The following TATDN3 variants were observed in gnomAD, a reference collection of about 807,000 sequenced individuals.
The protein encoded by TATDN3 is TatD DNase domain containing 3.
TATDN3 carries 29 observed loss-of-function variants against 40.1 expected under a neutral mutation model. The observed-to-expected ratio is 0.72, with a 90% confidence interval of 0.54 to 0.99. The LOEUF is 0.99. Ranked by LOEUF, TATDN3 falls within the 50% of genes least tolerant of loss-of-function variation. TATDN3 has a pLI of 0.00. For synonymous variants in TATDN3, 105 were observed against 117.0 expected, an observed-to-expected ratio of 0.90 and a Z score of 0.66; for missense variants, 309 against 321.9, an observed-to-expected ratio of 0.96 and a Z score of 0.31.
Position 212,813,989 on chromosome 1 carries a change from A to AT in TATDN3, c.682-1014dup, listed in dbSNP as rs940896428. Among the ~76,000 whole-genome samples the AT allele has an allele frequency of 2.0e-4, 30 of 148,850 alleles. 1 individual carries two copies. The highest frequency in any genetic ancestry group is 3.7e-4 in the African/African-American group (15 of 40,634). On this transcript the variant is annotated intron_variant, in intron 9 of 9. Coordinates refer to ENST00000366974, the MANE Select transcript of TATDN3 (RefSeq NM_001042552.3). ...CTCTGTATATATATTTTTTTTGTTAATTTTTTTTTTAATAGAGACAAGGTC... is the reference window on the plus strand; with the variant it reads ...CTCTGTATATATATTTTTTTTGTTAATTTTTTTTTTTAATAGAGACAAGGTC...
intron 7 of TATDN3, among the ~76,000 whole-genome samples, chr1:212,806,489 G>T (rs1251204039): frequency 6.8e-6 from 1 of 147,068 alleles, no homozygotes; most frequent in Non-Finnish European, 1.5e-5. Context: ...TCCCACTTCA[G>T]CCCCACAAGT....
At chr1:212,796,389 C>G (rs901642505) in intron 2 of TATDN3, 128 bp from the exon 3 acceptor site, 2 of 597,550 alleles carry the variant, frequency 3.3e-6, no homozygotes, top group African/African-American at 3.9e-5. Flanking sequence ...TCAATGATAG[C>G]CCTTCTGATT....
At chr1:212,810,564 A>G (rs1425861844) in intron 8 of TATDN3, among the ~76,000 whole-genome samples, 1 of 148,696 alleles carries the variant, frequency 6.7e-6, no homozygotes, top group Non-Finnish European at 1.5e-5. Flanking sequence ...GTGTGTGCCT[A>G]TAGTCCCAAC....
chr1:212,797,727 A>G (rs1241832578), intron 4 of TATDN3: 3 of 153,302 alleles, frequency 2.0e-5, no homozygotes, highest in African/African-American at 4.8e-5. Flanking sequence ...CAGAGGTGCC[A>G]TATACTATTA....
At chr1:212,808,312 CAAAAA>C (rs34100841) in intron 8 of TATDN3, among the ~76,000 whole-genome samples, 1 of 111,446 alleles carries the variant, frequency 9.0e-6, no homozygotes, top group African/African-American at 3.8e-5. Flanking sequence ...AACTCCATCT[CAAAAA>C]AAAAAAAAAA....
intron 3 of TATDN3, 54 bp downstream of exon 3, chr1:212,796,644 C>T: frequency 1.6e-6 from 2 of 1,254,530 alleles, no homozygotes; most frequent in African/African-American, 3.1e-5. Context: ...ACAGTTATGA[C>T]ATCCAGTTTA....
chr1:212,797,389 G>A, intron 4 of TATDN3, 193 bp downstream of exon 4: 1 of 548,786 alleles, frequency 1.8e-6, no homozygotes, highest in Non-Finnish European at 3.3e-6. Flanking sequence ...TAGAGGTTCA[G>A]AAACAAAGGA....
chr1:212,807,658 A>AC, intron 7 of TATDN3, 78 bp from the exon 8 acceptor site: 2 of 1,150,062 alleles, frequency 1.7e-6, no homozygotes, highest in South Asian at 2.9e-5. Flanking sequence ...ACATTTACTT[A>AC]AAATTTCAGA....
chr1:212,806,746 C>CTCT (rs1558083558), intron 7 of TATDN3, among the ~76,000 whole-genome samples: 2 of 45,188 alleles, frequency 4.4e-5, no homozygotes, highest in Non-Finnish European at 7.6e-5. Context: ...CTCTCTCTCT[C>CTCT]CATATATATA....
intron 8 of TATDN3, among the ~76,000 whole-genome samples, chr1:212,808,803 C>T (rs544786667): frequency 6.6e-6 from 1 of 152,230 alleles, no homozygotes; most frequent in Non-Finnish European, 1.5e-5. Flanking sequence ...TCCTTAGAAA[C>T]TTAATAAAAT....
chr1:212,801,609 G>T (rs1345145295), intron 4 of TATDN3, among the ~76,000 whole-genome samples: 3 of 152,126 alleles, frequency 2.0e-5, no homozygotes, highest in Non-Finnish European at 4.4e-5. Flanking sequence ...TTTCCTGGGT[G>T]ATTTCTCCTA....
chr1:212,794,280 C>CA (rs60474401), intron 1 of TATDN3, among the ~76,000 whole-genome samples: 4,519 of 92,932 alleles, frequency 0.049, 250 homozygotes, highest in African/African-American at 0.16. Flanking sequence ...GACTCCATCT[C>CA]AAAAAAAAAA....
intron 4 of TATDN3, among the ~76,000 whole-genome samples, chr1:212,801,974 A>T (rs376783692): frequency 2.0e-3 from 312 of 152,240 alleles, no homozygotes; most frequent in African/African-American, 7.1e-3. Flanking sequence ...GATTATCCTC[A>T]GGAGAAATGC....
intron 4 of TATDN3, among the ~76,000 whole-genome samples, chr1:212,798,986 T>C (rs1661999273): frequency 6.6e-6 from 1 of 152,198 alleles, no homozygotes; most frequent in South Asian, 2.1e-4. Context: ...ACTCTGGTAG[T>C]GACAATTGAG....
intron 2 of TATDN3, among the ~76,000 whole-genome samples, 195 bp downstream of exon 2, chr1:212,795,322 G>A (rs895451920): frequency 2.6e-5 from 4 of 151,688 alleles, no homozygotes; most frequent in African/African-American, 9.7e-5. Flanking sequence ...CCAGGCTGGA[G>A]TGCAGTCGTG....
At chr1:212,803,008 CT>C (rs971032504) in intron 5 of TATDN3, among the ~76,000 whole-genome samples, 2 of 151,086 alleles carry the variant, frequency 1.3e-5, no homozygotes, top group African/African-American at 2.4e-5. Flanking sequence ...AAATACTTTG[CT>C]TTTTTTTTCT....
intron 5 of TATDN3, among the ~76,000 whole-genome samples, chr1:212,804,052 A>T (rs1662318672): frequency 1.3e-5 from 2 of 152,262 alleles, no homozygotes; most frequent in African/African-American, 4.8e-5. Context: ...ACAAACAAAA[A>T]AAAAGGAATA....
At chr1:212,810,443 C>T (rs888948060) in intron 8 of TATDN3, among the ~76,000 whole-genome samples, 1 of 132,378 alleles carries the variant, frequency 7.6e-6, no homozygotes, top group African/African-American at 2.8e-5. Flanking sequence ...ACCCGGGAGG[C>T]GGAGCTTGCA....
intron 4 of TATDN3, among the ~76,000 whole-genome samples, chr1:212,800,000 C>T (rs1468507218): frequency 6.6e-6 from 1 of 152,056 alleles, no homozygotes; most frequent in Non-Finnish European, 1.5e-5. Flanking sequence ...GATTATAAAC[C>T]CCTTTAAAAC....
Sources: allele counts gnomAD v4.1 joint callset (sites outside exome capture counted in the v4.1 genomes callset), GRCh38; gene constraint gnomAD v4.1.1; transcripts MANE v1.5; gene names NCBI Gene and HGNC (gene_info 2026-07-23, HGNC 2026-07-21).